Variants in DNAJC1 observed in about 807,000 individuals in gnomAD.
The protein encoded by DNAJC1 is DnaJ heat shock protein family (Hsp40) member C1, also known as dnaJ homolog subfamily C member 1.
In DNAJC1, 58 loss-of-function variants were observed where a neutral mutation model predicts 76.6. That is an observed-to-expected ratio of 0.76 (90% CI 0.61 to 0.94). DNAJC1 has a LOEUF of 0.94. Among genes scored for constraint, DNAJC1 ranks in the 40% least tolerant of loss-of-function variants. The pLI is 0.00. For synonymous variants in DNAJC1, 258 were observed against 267.9 expected (o/e 0.96, Z 0.36); for missense variants, 689 against 677.3 (o/e 1.02, Z -0.19).
At chr10:21,766,815 C>T (rs934374069) in intron 9 of DNAJC1, among the ~76,000 whole-genome samples, 1 of 151,738 alleles carries the variant, frequency 6.6e-6, no homozygotes, top group East Asian at 1.9e-4. Flanking sequence ...TATGAAAATA[C>T]AAAAAGTAGC....
intron 6 of DNAJC1, among the ~76,000 whole-genome samples, chr10:21,905,271 A>C (rs74443175): frequency 4.0e-5 from 6 of 151,760 alleles, no homozygotes; most frequent in African/African-American, 9.7e-5. Context: ...AAAAAAAAAA[A>C]CCTAGGTCTT....
At chr10:21,875,016 G>T (rs1456797928) in intron 8 of DNAJC1, among the ~76,000 whole-genome samples, 1 of 152,138 alleles carries the variant, frequency 6.6e-6, no homozygotes, top group Non-Finnish European at 1.5e-5. Context: ...AAGTAGCTGG[G>T]ATTACAGGCA....
At chr10:21,983,821 G>T (rs1047042279) in intron 1 of DNAJC1, among the ~76,000 whole-genome samples, 1 of 152,130 alleles carries the variant, frequency 6.6e-6, no homozygotes, top group African/African-American at 2.4e-5. Flanking sequence ...TTCTGTTTGG[G>T]ATGACGGAAA....
chr10:21,938,013 GCT>G (rs1436512197), intron 1 of DNAJC1, among the ~76,000 whole-genome samples: 20 of 152,048 alleles, frequency 1.3e-4, no homozygotes, highest in Admixed American at 1.3e-3. Context: ...AAACTGAAAA[GCT>G]CTTTCTTCCT....
chr10:21,846,815 TGTCTC>T (rs1457568979), intron 8 of DNAJC1, among the ~76,000 whole-genome samples: 1 of 151,954 alleles, frequency 6.6e-6, no homozygotes, highest in East Asian at 1.9e-4. Context: ...AAACTGGTGT[TGTCTC>T]GTTTGTATTT....
At chr10:21,874,870 G>A (rs1199982972) in intron 8 of DNAJC1, among the ~76,000 whole-genome samples, 1 of 151,916 alleles carries the variant, frequency 6.6e-6, no homozygotes, top group African/African-American at 2.4e-5. Context: ...AAGTTTTTTT[G>A]TTTTGTTTTT....
intron 8 of DNAJC1, among the ~76,000 whole-genome samples, chr10:21,813,216 C>CTATATATATA (rs1288966176): frequency 2.8e-5 from 1 of 35,556 alleles, no homozygotes; most frequent in Non-Finnish European, 4.8e-5. Context: ...CTCTCTCTCT[C>CTATATATATA]TCTCTATATA....
intron 3 of DNAJC1, among the ~76,000 whole-genome samples, chr10:21,925,400 A>T (rs750596216): frequency 6.6e-6 from 1 of 152,208 alleles, no homozygotes; most frequent in East Asian, 1.9e-4. Flanking sequence ...TTGGGGGAGA[A>T]AAAGGCTTAA....
chr10:21,886,317 T>C (rs915188552), intron 7 of DNAJC1, among the ~76,000 whole-genome samples: 2 of 151,762 alleles, frequency 1.3e-5, no homozygotes, highest in Non-Finnish European at 2.9e-5. Flanking sequence ...AATAATGAGC[T>C]CCAAAATTGA....
intron 1 of DNAJC1, among the ~76,000 whole-genome samples, chr10:21,959,963 T>C (rs976679589): frequency 6.6e-6 from 1 of 152,178 alleles, no homozygotes; most frequent in African/African-American, 2.4e-5. Flanking sequence ...TTGTTGGGTC[T>C]ACTATCAAAA....
At chr10:21,832,556 T>C (rs1023730857) in intron 8 of DNAJC1, among the ~76,000 whole-genome samples, 3 of 152,164 alleles carry the variant, frequency 2.0e-5, no homozygotes, top group African/African-American at 4.8e-5. Context: ...AATCACCAAG[T>C]AGGCATTTTT....
chr10:21,946,947 G>C (rs945011534), intron 1 of DNAJC1, among the ~76,000 whole-genome samples: 2 of 152,226 alleles, frequency 1.3e-5, no homozygotes, highest in African/African-American at 4.8e-5. Context: ...TGGCATAAAA[G>C]GGCTTGTTGC....
chr10:21,821,165 AT>A (rs1294076832), intron 8 of DNAJC1, among the ~76,000 whole-genome samples: 2 of 152,112 alleles, frequency 1.3e-5, no homozygotes, highest in African/African-American at 4.8e-5. Flanking sequence ...TGACGGTCTT[AT>A]GACCCACTAT....
intron 8 of DNAJC1, among the ~76,000 whole-genome samples, chr10:21,815,710 T>C (rs533827559): frequency 6.6e-6 from 1 of 152,192 alleles, no homozygotes; most frequent in East Asian, 1.9e-4. Context: ...CTAAGAAATC[T>C]TTGCCTATCT....
intron 8 of DNAJC1, among the ~76,000 whole-genome samples, chr10:21,859,825 C>T (rs987523298): frequency 1.3e-5 from 2 of 151,902 alleles, no homozygotes; most frequent in African/African-American, 4.8e-5. Flanking sequence ...GCTTTGTCAC[C>T]CAGGCTGGAG....
chr10:21,897,552 G>A lies in DNAJC1; in HGVS notation c.820+6970C>T, dbSNP rs114588590. Among the ~76,000 whole-genome samples the A allele has an allele frequency of 9.3e-3, 1,411 of 152,202 alleles. 23 individuals carry two copies. The highest frequency in any genetic ancestry group is 0.032 in the African/African-American group (1,326 of 41,518). The stretch of plus-strand genomic sequence containing the variant: ...CAGGAGGACAAGCATTACTGCCTGC[G>A]CCCTGCTTCCTGTCAGATCAGCAGT... On this transcript the variant is annotated intron_variant, in intron 7 of 11. Transcript: ENST00000376980.
chr10:21,826,240 A>AAAAAAAAAAAAAC (rs1362805419), intron 8 of DNAJC1, among the ~76,000 whole-genome samples: 1 of 150,992 alleles, frequency 6.6e-6, no homozygotes, highest in Admixed American at 6.6e-5. Flanking sequence ...CTTTGTCCAA[A>AAAAAAAAAAAAAC]AAAAAAAAAG....
chr10:21,955,733 C>T (rs2131812126), intron 1 of DNAJC1, among the ~76,000 whole-genome samples: 1 of 152,092 alleles, frequency 6.6e-6, no homozygotes, highest in Non-Finnish European at 1.5e-5. Flanking sequence ...TTTTTAAAAA[C>T]CAAATTTTAG....
chr10:21,930,626 T>C (rs1257839940), intron 1 of DNAJC1, among the ~76,000 whole-genome samples: 1 of 152,180 alleles, frequency 6.6e-6, no homozygotes, highest in Non-Finnish European at 1.5e-5. Context: ...GGTGTGAGTA[T>C]TTTTGTGACT....
Sources: gnomAD v4.1 joint callset for allele counts (sites outside exome capture counted in the v4.1 genomes callset) on GRCh38, gnomAD v4.1.1 for gene constraint, MANE v1.5 for transcripts, NCBI Gene and HGNC (gene_info 2026-07-23, HGNC 2026-07-21) for gene names.